ZFYVE9: variants seen among roughly 807,000 people sequenced by gnomAD.
ZFYVE9 encodes zinc finger FYVE domain-containing protein 9.
A neutral mutation model predicts 126.7 loss-of-function variants in ZFYVE9; 43 were observed. The observed-to-expected ratio is 0.34, with a 90% confidence interval of 0.27 to 0.44. The LOEUF is 0.44. Among genes scored for constraint, ZFYVE9 ranks in the 20% least tolerant of loss-of-function variants. The pLI is 1.00. For synonymous variants in ZFYVE9, 521 were observed against 597.4 expected, an observed-to-expected ratio of 0.87 and a Z score of 1.87; for missense variants, 1,476 against 1,697.0, an observed-to-expected ratio of 0.87 and a Z score of 2.29.
intron 4 of ZFYVE9, among the ~76,000 whole-genome samples, chr1:52,261,344 C>G (rs1474487218): frequency 6.6e-6 from 1 of 151,058 alleles, no homozygotes; most frequent in African/African-American, 2.4e-5. Flanking sequence ...TTCAAGCCAT[C>G]TTCCTGCCTC....
intron 1 of ZFYVE9, among the ~76,000 whole-genome samples, chr1:52,151,246 C>G (rs1424441757): frequency 2.0e-5 from 3 of 152,054 alleles, no homozygotes; most frequent in Non-Finnish European, 4.4e-5. Context: ...AATATAAAAG[C>G]TTTCCCTGTA....
At chr1:52,254,908 C>T (rs1169362273) in intron 4 of ZFYVE9, among the ~76,000 whole-genome samples, 1 of 151,846 alleles carries the variant, frequency 6.6e-6, no homozygotes, top group Non-Finnish European at 1.5e-5. Flanking sequence ...CGAGACCAGC[C>T]TGGGCAACAT....
At chr1:52,236,931 C>G (rs1645277999) in intron 3 of ZFYVE9, among the ~76,000 whole-genome samples, 1 of 152,046 alleles carries the variant, frequency 6.6e-6, no homozygotes, top group Admixed American at 6.5e-5. Context: ...CCTTCTCACT[C>G]CCTGCTTCAT....
intron 1 of ZFYVE9, among the ~76,000 whole-genome samples, chr1:52,170,865 GA>G (rs1343370450): frequency 2.6e-5 from 4 of 152,094 alleles, no homozygotes. Flanking sequence ...CTTGTTTTGT[GA>G]CCGAACATAT....
chr1:52,301,501 G>T (rs955127330), intron 12 of ZFYVE9, among the ~76,000 whole-genome samples: 1 of 151,498 alleles, frequency 6.6e-6, no homozygotes, highest in Non-Finnish European at 1.5e-5. Flanking sequence ...ACAAGGCCTC[G>T]CAGTGTTTCT....
chr1:52,237,643 C>T lies in ZFYVE9; in HGVS notation c.226C>T (p.His76Tyr), dbSNP rs754646107. 3.7e-6 allele frequency: 6 copies of T among 1,614,122 alleles called. No individual in the cohort carries two copies. The South Asian group carries it at 6.6e-5, about 18-fold the overall frequency. Residue 76 changes from histidine (H) to tyrosine (Y), a missense_variant, in exon 4 of 19, where the codon CAT becomes TAT. Transcript: ENST00000287727. ...ACAACTGAAAGTCTTCTCCCTGGCT[C>T]ATTCAGCTCCCCTGACCACAGAGGA... ...QPQLKVFSLA[H>Y]SAPLTTEEED... is the part of the protein sequence containing the mutation.
chr1:52,305,420 ACT>A (rs1336379178), intron 13 of ZFYVE9, among the ~76,000 whole-genome samples: 1 of 151,982 alleles, frequency 6.6e-6, no homozygotes, highest in African/African-American at 2.4e-5. Flanking sequence ...CAAGAGCAAA[ACT>A]CTGTCTCAAA....
At chr1:52,193,117 T>C (rs1486093313) in intron 1 of ZFYVE9, among the ~76,000 whole-genome samples, 1 of 152,104 alleles carries the variant, frequency 6.6e-6, no homozygotes, top group Non-Finnish European at 1.5e-5. Context: ...TTTTTTGTTG[T>C]TGCCTAGGCT....
chr1:52,177,521 C>T (rs544558208), intron 1 of ZFYVE9, among the ~76,000 whole-genome samples: 59 of 152,202 alleles, frequency 3.9e-4, no homozygotes, highest in African/African-American at 7.9e-4. Flanking sequence ...CTCTCAAGAC[C>T]GTGCTTAAGT....
intron 8 of ZFYVE9, among the ~76,000 whole-genome samples, chr1:52,275,226 A>AT (rs926194546): frequency 2.6e-5 from 4 of 151,332 alleles, no homozygotes; most frequent in East Asian, 1.9e-4. Context: ...CCAATGGGTA[A>AT]TTTTTTTTTG....
intron 2 of ZFYVE9, among the ~76,000 whole-genome samples, chr1:52,224,355 G>C: frequency 6.6e-6 from 1 of 152,106 alleles, no homozygotes; most frequent in Non-Finnish European, 1.5e-5. Context: ...AGGGTGGAGG[G>C]GTAGGCAGGG....
At position 52,262,289 on chromosome 1, in the gene ZFYVE9, A is replaced by G. The variant is rs79551359; in HGVS notation, c.2179-1484A>G. Reference sequence around the variant, plus strand: ...CATCTCTTTTGGGGTTAAGATTTCAACATAGGAGTTTTGGAACATTCATCT... The same window carrying G: ...CATCTCTTTTGGGGTTAAGATTTCAGCATAGGAGTTTTGGAACATTCATCT... On this transcript the variant is annotated intron_variant, in intron 4 of 18. Transcript: ENST00000287727. 4.9e-3 allele frequency among the ~76,000 whole-genome samples: 743 copies of G among 152,322 alleles called. 4 individuals carry two copies. Among genetic ancestry groups the G allele is most frequent in the African/African-American group, 0.017 (710 of 41,582 alleles).
At chr1:52,199,333 G>C (rs1403866343) in intron 1 of ZFYVE9, among the ~76,000 whole-genome samples, 1 of 152,090 alleles carries the variant, frequency 6.6e-6, no homozygotes, top group African/African-American at 2.4e-5. Context: ...GAAGTGCTGG[G>C]ATTACAGGAG....
intron 10 of ZFYVE9, among the ~76,000 whole-genome samples, chr1:52,289,041 A>T (rs1235722237): frequency 6.6e-6 from 1 of 152,136 alleles, no homozygotes; most frequent in Non-Finnish European, 1.5e-5. Flanking sequence ...ATATACTTTG[A>T]AACAAAAGGA....
intron 4 of ZFYVE9, among the ~76,000 whole-genome samples, chr1:52,255,227 G>A (rs1645492247): frequency 6.6e-6 from 1 of 152,046 alleles, no homozygotes; most frequent in Non-Finnish European, 1.5e-5. Flanking sequence ...CTTATGCTTT[G>A]TTTACAATTA....
chr1:52,175,219 G>C (rs1004553277), intron 1 of ZFYVE9, among the ~76,000 whole-genome samples: 34 of 151,110 alleles, frequency 2.3e-4, no homozygotes, highest in Non-Finnish European at 4.4e-4. Context: ...AAATCTCTCA[G>C]CATTTGCTTG....
rs928749865 is a variant in ZFYVE9 at position 52,193,795 on chromosome 1, C to A, written c.-142-22574C>A. On this transcript the variant is annotated intron_variant, in intron 1 of 18. Coordinates refer to ENST00000287727, the MANE Select transcript of ZFYVE9 (RefSeq NM_004799.4). Reference sequence around the variant, plus strand: ...GTCTTAATGTTTATCTTCAAACACACACGCACGCGCGCACACACACACATG... The same window carrying A: ...GTCTTAATGTTTATCTTCAAACACAAACGCACGCGCGCACACACACACATG... Among the ~76,000 whole-genome samples, 14 of 150,560 alleles carry A rather than the reference C, an allele frequency of 9.3e-5. 1 individual carries two copies. The highest frequency in any genetic ancestry group is 3.0e-4 in the African/African-American group (12 of 40,524).
intron 2 of ZFYVE9, among the ~76,000 whole-genome samples, chr1:52,225,667 T>C (rs763088077): frequency 2.2e-4 from 33 of 152,142 alleles, no homozygotes; most frequent in Non-Finnish European, 4.1e-4. Context: ...ACAGTTAGGC[T>C]TAACAGAAGA....
intron 10 of ZFYVE9, among the ~76,000 whole-genome samples, chr1:52,289,100 A>G (rs1645893204): frequency 6.6e-6 from 1 of 152,184 alleles, no homozygotes; most frequent in African/African-American, 2.4e-5. Flanking sequence ...GAATTTAAAG[A>G]TGGCTGGCTA....
Sources: gnomAD v4.1 joint callset for allele counts (sites outside exome capture counted in the v4.1 genomes callset) on GRCh38, gnomAD v4.1.1 for gene constraint, MANE v1.5 for transcripts, NCBI Gene and HGNC (gene_info 2026-07-23, HGNC 2026-07-21) for gene names.